The following FOXO1 variants were observed in gnomAD, a reference collection of about 807,000 sequenced individuals.
FOXO1 encodes the protein forkhead box O1.
A neutral mutation model predicts 44.1 loss-of-function variants in FOXO1; 6 were observed. The observed-to-expected ratio is 0.14, with a 90% confidence interval of 0.07 to 0.27. The LOEUF (loss-of-function observed/expected upper bound fraction) is 0.27. Ranked by LOEUF, FOXO1 falls within the 10% of genes least tolerant of loss-of-function variation. FOXO1 has a pLI of 1.00. For synonymous variants in FOXO1, 380 were observed against 362.7 expected (o/e 1.05, Z -0.54); for missense variants, 737 against 888.8 (o/e 0.83, Z 2.17).
At chr13:40,620,233 G>A in intron 1 of FOXO1, 1 of 1,554,560 alleles carries the variant, frequency 6.4e-7, no homozygotes, top group Non-Finnish European at 8.9e-7. Context: ...GGACCTTCAA[G>A]TGAGAAGGAT....
At chr13:40,655,125 C>G (rs1877814534) in intron 1 of FOXO1, among the ~76,000 whole-genome samples, 1 of 152,026 alleles carries the variant, frequency 6.6e-6, no homozygotes, top group Non-Finnish European at 1.5e-5. Context: ...CAGTTGAGGT[C>G]AGGATTTCGA....
chr13:40,632,870 G>C (rs553083597), intron 1 of FOXO1, among the ~76,000 whole-genome samples: 1 of 145,506 alleles, frequency 6.9e-6, no homozygotes, highest in African/African-American at 2.6e-5. Flanking sequence ...ACTTGAATCC[G>C]AGCTGAAGTT....
chr13:40,640,676 G>GT (rs1317476723), intron 1 of FOXO1, among the ~76,000 whole-genome samples: 11 of 152,130 alleles, frequency 7.2e-5, no homozygotes, highest in African/African-American at 2.4e-4. Context: ...CTTAACTAAA[G>GT]TATCAGTAGC....
intron 1 of FOXO1, among the ~76,000 whole-genome samples, chr13:40,610,803 C>T (rs1217074988): frequency 6.6e-6 from 1 of 152,124 alleles, no homozygotes; most frequent in Admixed American, 6.5e-5. Flanking sequence ...GAAAATTATG[C>T]TTGTAACCAA....
chr13:40,619,114 T>C (rs565601436), intron 1 of FOXO1: 100 of 383,494 alleles, frequency 2.6e-4, no homozygotes, highest in African/African-American at 1.8e-3. Context: ...TGAAACCCCA[T>C]CTCTACTAAA....
chr13:40,627,664 C>T (rs1416198652), intron 1 of FOXO1, among the ~76,000 whole-genome samples: 1 of 152,060 alleles, frequency 6.6e-6, no homozygotes, highest in Non-Finnish European at 1.5e-5. Context: ...GAAACCCCAT[C>T]TCTACTAAAA....
intron 1 of FOXO1, among the ~76,000 whole-genome samples, chr13:40,644,039 T>C (rs1271833224): frequency 6.6e-6 from 1 of 152,186 alleles, no homozygotes; most frequent in African/African-American, 2.4e-5. Flanking sequence ...CATGAGTGCA[T>C]TATAAAGAGC....
At chr13:40,559,350 T>C (rs1013744652) in intron 2 of FOXO1, among the ~76,000 whole-genome samples, 159 bp downstream of exon 2, 2 of 152,194 alleles carry the variant, frequency 1.3e-5, no homozygotes, top group Non-Finnish European at 2.9e-5. Flanking sequence ...GAAGGAAAAC[T>C]GTAAGCTGCA....
chr13:40,638,864 G>A (rs1030246034), intron 1 of FOXO1, among the ~76,000 whole-genome samples: 1 of 151,832 alleles, frequency 6.6e-6, no homozygotes, highest in Non-Finnish European at 1.5e-5. Flanking sequence ...ATGGAAGGAA[G>A]GGGGGCAGGG....
At position 40,665,974 on chromosome 13, in the gene FOXO1, C is replaced by T. The variant is rs1878232134; in HGVS notation, c.239G>A (p.Ser80Asn). 1 of 1,236,334 alleles carries T rather than the reference C, an allele frequency of 8.1e-7. No homozygotes were observed. Among genetic ancestry groups the T allele is most frequent in the Non-Finnish European group, 1.0e-6 (1 of 992,834 alleles). The allele number at this position is 1,236,334 out of a possible 1,614,324, so 76.6% of individuals were successfully genotyped here. A position where few individuals can be genotyped will look rare whatever the true frequency, so the allele number is the denominator to read the frequency against. The change falls in exon 1 of 3, where the codon AGC becomes AAC. Residue 80 changes from serine (S) to asparagine (N), a missense_variant. Ser to Asn is a conservative substitution (Grantham distance 46, BLOSUM62 1). This residue lies in a region of FOXO1 where 213 missense variants were observed against 236.4 expected (regional missense o/e 0.90). Transcript: ENST00000379561. ...FMSNLSLLEE[S>N]EDFPQAPGSV... The stretch of plus-strand genomic sequence containing the variant: ...GCCGGGCGCCTGCGGGAAGTCCTCG[C>T]TCTCCTCCAGCAAGCTCAGGTTGCT...
chr13:40,561,369 A>AC (rs1371903375), intron 1 of FOXO1, among the ~76,000 whole-genome samples: 1 of 151,488 alleles, frequency 6.6e-6, no homozygotes, highest in Non-Finnish European at 1.5e-5. Flanking sequence ...AAAAAAAAAA[A>AC]ATTCTATATC....
At chr13:40,614,825 C>T (rs1876364569) in intron 1 of FOXO1, among the ~76,000 whole-genome samples, 1 of 152,210 alleles carries the variant, frequency 6.6e-6, no homozygotes, top group African/African-American at 2.4e-5. Flanking sequence ...TGGATTTAAA[C>T]TGTGTATAAA....
intron 1 of FOXO1, among the ~76,000 whole-genome samples, chr13:40,615,405 C>T (rs1039407096): frequency 1.3e-4 from 19 of 151,974 alleles, no homozygotes; most frequent in East Asian, 7.7e-4. Context: ...CATGGGGGTG[C>T]GCGCCTATAA....
chr13:40,563,224 C>G (rs1279622872), intron 1 of FOXO1, among the ~76,000 whole-genome samples: 1 of 152,216 alleles, frequency 6.6e-6, no homozygotes, highest in Non-Finnish European at 1.5e-5. Context: ...GTGCCAACCA[C>G]TGCGCCTGAG....
At chr13:40,641,166 CCGT>C (rs1566082830) in intron 1 of FOXO1, among the ~76,000 whole-genome samples, 1 of 152,200 alleles carries the variant, frequency 6.6e-6, no homozygotes, top group Non-Finnish European at 1.5e-5. Context: ...TTCTTTTCCT[CCGT>C]CTTCTAGGCA....
chr13:40,613,659 T>C (rs917902868), intron 1 of FOXO1, among the ~76,000 whole-genome samples: 1 of 152,172 alleles, frequency 6.6e-6, no homozygotes, highest in Non-Finnish European at 1.5e-5. Context: ...CTTGGTTTAG[T>C]GGATGATTAC....
chr13:40,566,153 A>G (rs1874260905), intron 1 of FOXO1, among the ~76,000 whole-genome samples: 1 of 152,196 alleles, frequency 6.6e-6, no homozygotes. Context: ...GCAGAGCAGC[A>G]GCAGGGGTTG....
At position 40,558,930 on chromosome 13, in the gene FOXO1, T is replaced by G. The variant is rs1441199018; in HGVS notation, c.*119A>C. Reference sequence around the variant, plus strand: ...AAAAAGGAGGGTTTTTTTTTTTGTTTTTTTTTTTAACCAAGAAAACTAAAA... The same window carrying G: ...AAAAAGGAGGGTTTTTTTTTTTGTTGTTTTTTTTAACCAAGAAAACTAAAA... On this transcript the variant is annotated 3_prime_UTR_variant, in exon 3 of 3. Coordinates refer to ENST00000379561, the MANE Select transcript of FOXO1 (RefSeq NM_002015.4). The G allele has an allele frequency of 1.5e-5, 6 of 398,302 alleles. No homozygotes were observed. Among genetic ancestry groups the G allele is most frequent in the Admixed American group, 8.8e-5 (2 of 22,632 alleles). The allele number at this position is 398,302 out of a possible 1,614,324, so 24.7% of individuals were successfully genotyped here.
intron 1 of FOXO1, among the ~76,000 whole-genome samples, chr13:40,617,435 CAA>C (rs1027111023): frequency 1.2e-4 from 12 of 97,148 alleles, no homozygotes; most frequent in Admixed American, 2.2e-4. Flanking sequence ...AACTCCGTCT[CAA>C]AAAAAAAAAA....
Sources: allele counts gnomAD v4.1 joint callset (sites outside exome capture counted in the v4.1 genomes callset), GRCh38; gene constraint gnomAD v4.1.1; regional missense constraint gnomAD v4.1.1; transcripts MANE v1.5; gene names NCBI Gene and HGNC (gene_info 2026-07-23, HGNC 2026-07-21).